PVT1: variants seen among roughly 807,000 people sequenced by gnomAD.
PVT1 encodes the protein Pvt1 oncogene.
chr8:128,066,866 G>A (rs1301084330), intron 4 of PVT1, among the ~76,000 whole-genome samples: 1 of 152,024 alleles, frequency 6.6e-6, no homozygotes, highest in Non-Finnish European at 1.5e-5. Context: ...CTTCTCATTG[G>A]GTTTTAAGGT....
At chr8:128,041,484 G>C (rs1234684669) in intron 4 of PVT1, among the ~76,000 whole-genome samples, 3 of 144,616 alleles carry the variant, frequency 2.1e-5, no homozygotes, top group Non-Finnish European at 4.5e-5. Flanking sequence ...TGTGCCTGGT[G>C]CGTATGTGTT....
At chr8:127,919,487 G>T (rs1816031077) in intron 3 of PVT1, among the ~76,000 whole-genome samples, 1 of 152,188 alleles carries the variant, frequency 6.6e-6, no homozygotes, top group African/African-American at 2.4e-5. Flanking sequence ...CCACTTTTGT[G>T]CAATGTTATA....
At chr8:128,065,045 A>G (rs76253893) in intron 4 of PVT1, among the ~76,000 whole-genome samples, 2,614 of 152,288 alleles carry the variant, frequency 0.017, 65 homozygotes, top group African/African-American at 0.059. Flanking sequence ...TATCAGAGAA[A>G]CAGAGGCCTA....
chr8:127,809,045 AAAAAAAAAAAG>A (rs1260893036), intron 2 of PVT1, among the ~76,000 whole-genome samples: 4 of 138,954 alleles, frequency 2.9e-5, no homozygotes, highest in African/African-American at 5.3e-5. Flanking sequence ...AAAAAAAAAA[AAAAAAAAAAAG>A]AAAGAAAAAA....
intron 2 of PVT1, among the ~76,000 whole-genome samples, chr8:127,835,319 C>A (rs1814897640): frequency 6.6e-6 from 1 of 152,060 alleles, no homozygotes; most frequent in Non-Finnish European, 1.5e-5. Context: ...AGCTGGAAAC[C>A]ATCATTCTCA....
At chr8:127,796,159 G>A (rs973215150) in intron 2 of PVT1, 22 of 166,364 alleles carry the variant, frequency 1.3e-4, no homozygotes, top group African/African-American at 5.3e-4. Flanking sequence ...GGTTAAGAGT[G>A]GCTTATTCTT....
chr8:128,020,840 G>A (rs1817424726), intron 4 of PVT1, among the ~76,000 whole-genome samples: 2 of 152,238 alleles, frequency 1.3e-5, no homozygotes, highest in South Asian at 4.1e-4. Flanking sequence ...TTTTTCCAGA[G>A]CGTGTTTGCA....
chr8:128,091,656 A>C (rs1044903759), intron 5 of PVT1, among the ~76,000 whole-genome samples: 1 of 152,240 alleles, frequency 6.6e-6, no homozygotes, highest in Admixed American at 6.5e-5. Context: ...TCCTGGCTGC[A>C]TACTCAGTGT....
At chr8:127,967,300 AG>A (rs1447233332) in intron 3 of PVT1, among the ~76,000 whole-genome samples, 1 of 150,636 alleles carries the variant, frequency 6.6e-6, no homozygotes, top group Non-Finnish European at 1.5e-5. Flanking sequence ...GGAGAAGGAG[AG>A]GTTAACTTCT....
At chr8:127,838,982 C>T (rs887073548) in intron 2 of PVT1, among the ~76,000 whole-genome samples, 4 of 152,034 alleles carry the variant, frequency 2.6e-5, no homozygotes, top group East Asian at 1.9e-4. Context: ...AAGTTGACTC[C>T]GATGTTCAGT....
intron 2 of PVT1, among the ~76,000 whole-genome samples, chr8:127,840,792 A>C (rs1249274559): frequency 6.6e-6 from 1 of 152,254 alleles, no homozygotes; most frequent in African/African-American, 2.4e-5. Context: ...CCAACCAGGG[A>C]ATGAAAAGTT....
intron 5 of PVT1, among the ~76,000 whole-genome samples, chr8:128,090,061 G>C (rs748286437): frequency 9.9e-5 from 15 of 152,204 alleles, no homozygotes; most frequent in Non-Finnish European, 2.1e-4. Flanking sequence ...GTTGAATTCA[G>C]TTCTATGCAT....
chr8:127,912,213 G>C (rs1456373775), intron 3 of PVT1, among the ~76,000 whole-genome samples: 1 of 152,230 alleles, frequency 6.6e-6, no homozygotes, highest in Non-Finnish European at 1.5e-5. Flanking sequence ...AGTTTAGGAA[G>C]AGGGATTGTT....
chr8:128,097,355 A>C (rs2542415), intron 6 of PVT1, among the ~76,000 whole-genome samples: 91,236 of 151,910 alleles, frequency 0.6, 28,971 homozygotes, highest in Non-Finnish European at 0.72. Context: ...GAGTGAGACT[A>C]CTTCTCAAAA....
intron 2 of PVT1, among the ~76,000 whole-genome samples, chr8:127,827,932 A>C (rs1019152119): frequency 6.6e-6 from 1 of 152,168 alleles, no homozygotes; most frequent in Non-Finnish European, 1.5e-5. Context: ...GTTAGGGCCA[A>C]GTGCCTGCTC....
At chr8:127,809,432 GATCCTCCC>G (rs1163203695) in intron 2 of PVT1, among the ~76,000 whole-genome samples, 1 of 152,154 alleles carries the variant, frequency 6.6e-6, no homozygotes. Flanking sequence ...GGCTTTAAGC[GATCCTCCC>G]ATCTTGACCT....
intron 3 of PVT1, among the ~76,000 whole-genome samples, chr8:127,944,834 T>G (rs1816400256): frequency 6.6e-6 from 1 of 152,192 alleles, no homozygotes; most frequent in Admixed American, 6.5e-5. Context: ...AGGCTGCTCA[T>G]TAGCTGCTGT....
At chr8:127,950,410 A>G (rs1407343305) in intron 3 of PVT1, among the ~76,000 whole-genome samples, 1 of 152,144 alleles carries the variant, frequency 6.6e-6, no homozygotes, top group Non-Finnish European at 1.5e-5. Context: ...CCATGTGGGG[A>G]GATGCGGCCA....
intron 5 of PVT1, among the ~76,000 whole-genome samples, chr8:128,093,367 G>T (rs1163626715): frequency 6.6e-6 from 1 of 152,068 alleles, no homozygotes; most frequent in Non-Finnish European, 1.5e-5. Flanking sequence ...AGACCAGCCT[G>T]GCAAACATGG....
Sources: gnomAD v4.1 joint callset for allele counts (sites outside exome capture counted in the v4.1 genomes callset) on GRCh38, gnomAD v4.1.1 for gene constraint, MANE v1.5 for transcripts, NCBI Gene and HGNC (gene_info 2026-07-23, HGNC 2026-07-21) for gene names.